The following PCDH15 variants were observed in gnomAD, a reference collection of about 807,000 sequenced individuals.
The protein encoded by PCDH15 is protocadherin related 15, also known as protocadherin-15.
Under a neutral mutation model 178.5 loss-of-function variants are expected in PCDH15, and 129 were observed. The ratio of observed to expected loss-of-function variants is 0.72; its 90% confidence interval spans 0.63 to 0.84. The LOEUF (loss-of-function observed/expected upper bound fraction) is 0.84, where lower values mean the gene tolerates loss of function less well. PCDH15 is among the 40% of genes least tolerant of loss of function. PCDH15 has a pLI of 0.00. For synonymous variants in PCDH15, 800 were observed against 732.0 expected, an observed-to-expected ratio of 1.09 and a Z score of -1.50; for missense variants, 2,230 against 2,099.9, an observed-to-expected ratio of 1.06 and a Z score of -1.21.
chr10:54,121,798 G>GA (rs1419613827), intron 15 of PCDH15, among the ~76,000 whole-genome samples: 1 of 152,008 alleles, frequency 6.6e-6, no homozygotes, highest in Non-Finnish European at 1.5e-5. Flanking sequence ...TTCAAAAAGT[G>GA]AATCAGTAAT....
At chr10:54,118,732 C>T (rs1025216030) in intron 15 of PCDH15, among the ~76,000 whole-genome samples, 1 of 151,076 alleles carries the variant, frequency 6.6e-6, no homozygotes, top group Non-Finnish European at 1.5e-5. Flanking sequence ...AAACTAAAAA[C>T]TAAAACTATA....
At chr10:54,586,185 G>A (rs1216236989) in intron 2 of PCDH15, among the ~76,000 whole-genome samples, 8 of 152,060 alleles carry the variant, frequency 5.3e-5, no homozygotes, top group African/African-American at 1.9e-4. Flanking sequence ...GGAAAGTGGA[G>A]TAAATTTTTA....
intron 2 of PCDH15, among the ~76,000 whole-genome samples, chr10:54,639,310 A>G (rs2093937787): frequency 6.6e-6 from 1 of 152,148 alleles, no homozygotes; most frequent in African/African-American, 2.4e-5. Flanking sequence ...ACCTCAGAAG[A>G]ATCTATGAGG....
chr10:54,216,594 A>C (rs1477152295), intron 9 of PCDH15, among the ~76,000 whole-genome samples: 2 of 152,204 alleles, frequency 1.3e-5, no homozygotes, highest in African/African-American at 4.8e-5. Flanking sequence ...TTATTCCTAC[A>C]TTAAGATTTC....
At chr10:54,292,208 C>T (rs187639469) in intron 8 of PCDH15, among the ~76,000 whole-genome samples, 20 of 152,214 alleles carry the variant, frequency 1.3e-4, no homozygotes, top group Non-Finnish European at 2.2e-4. Context: ...TAAACAGAAC[C>T]AATGACAAAA....
chr10:54,232,213 CA>C (rs1298805012), intron 9 of PCDH15, among the ~76,000 whole-genome samples: 8 of 152,190 alleles, frequency 5.3e-5, no homozygotes, highest in African/African-American at 1.9e-4. Flanking sequence ...ACAGTGGTGT[CA>C]GTGAGTGAGT....
At chr10:55,245,314 T>C (rs1841655258) in intron 1 of PCDH15, among the ~76,000 whole-genome samples, 1 of 152,074 alleles carries the variant, frequency 6.6e-6, no homozygotes, top group Admixed American at 6.6e-5. Flanking sequence ...ACGTTGTAAA[T>C]GTGAAAGTGG....
At chr10:55,161,602 A>G (rs1387131038) in intron 2 of PCDH15, among the ~76,000 whole-genome samples, 1 of 152,184 alleles carries the variant, frequency 6.6e-6, no homozygotes. Flanking sequence ...AACTGTTATT[A>G]GGAAGGTTAT....
chr10:55,399,362 T>C (rs893488524), intron 2 of PCDH15, among the ~76,000 whole-genome samples: 2 of 152,156 alleles, frequency 1.3e-5, no homozygotes, highest in East Asian at 1.9e-4. Flanking sequence ...ATTTATGCTA[T>C]GAGAACTATA....
rs536311132 is a variant in PCDH15 at position 55,418,266 on chromosome 10, A to C, written c.-156+209359T>G. 8.2e-4 allele frequency among the ~76,000 whole-genome samples: 124 copies of C among 151,894 alleles called. 1 individual carries two copies. Among genetic ancestry groups the C allele is most frequent in the African/African-American group, 2.9e-3 (120 of 41,530 alleles). ...GTTTTTATTTTTAGTGCAGAATGTA[A>C]CTGTTAACAACATTAGAAATATGAA... On this transcript the variant is annotated intron_variant, in intron 2 of 5. Coordinates refer to the PCDH15 transcript ENST00000613346.
At chr10:54,305,112 T>TA (rs1266871277) in intron 8 of PCDH15, among the ~76,000 whole-genome samples, 1 of 152,116 alleles carries the variant, frequency 6.6e-6, no homozygotes, top group Non-Finnish European at 1.5e-5. Context: ...GTTATGTACA[T>TA]AATTTCTTTT....
At chr10:54,708,801 T>TGC (rs58888332) in intron 1 of PCDH15, among the ~76,000 whole-genome samples, 4 of 125,568 alleles carry the variant, frequency 3.2e-5, no homozygotes, top group African/African-American at 1.1e-4. Context: ...TGTGTGTGTG[T>TGC]GCGCGCGCGT....
chr10:54,817,349 G>A (rs1265959894), intron 3 of PCDH15, among the ~76,000 whole-genome samples: 1 of 151,826 alleles, frequency 6.6e-6, no homozygotes, highest in Non-Finnish European at 1.5e-5. Flanking sequence ...AGGAAATTAA[G>A]GTTGAATTAT....
intron 2 of PCDH15, among the ~76,000 whole-genome samples, chr10:55,579,199 T>C (rs1842557303): frequency 6.6e-6 from 1 of 152,204 alleles, no homozygotes; most frequent in Admixed American, 6.6e-5. Flanking sequence ...CACAGAAATA[T>C]CTGATTGTAT....
intron 3 of PCDH15, among the ~76,000 whole-genome samples, chr10:54,848,947 C>T (rs770184701): frequency 1.1e-4 from 16 of 152,018 alleles, no homozygotes; most frequent in Non-Finnish European, 1.8e-4. Flanking sequence ...GGAGAAAATG[C>T]TATATAAAAT....
chr10:54,759,710 C>T (rs1198826590), intron 1 of PCDH15, among the ~76,000 whole-genome samples: 2 of 152,212 alleles, frequency 1.3e-5, no homozygotes, highest in East Asian at 3.8e-4. Context: ...ATAATGCACA[C>T]TATCAGGACA....
chr10:55,339,290 T>TAACAACAAC (rs34058084), intron 2 of PCDH15, among the ~76,000 whole-genome samples: 2,028 of 150,648 alleles, frequency 0.013, 37 homozygotes, highest in African/African-American at 0.045. Context: ...CCATAACAAT[T>TAACAACAAC]AACAACAACA....
intron 2 of PCDH15, among the ~76,000 whole-genome samples, chr10:55,384,661 T>C (rs1837610072): frequency 6.6e-6 from 1 of 152,040 alleles, no homozygotes; most frequent in African/African-American, 2.4e-5. Context: ...TAAAATACTA[T>C]TGCAACATTT....
chr10:55,496,464 A>G (rs919609209), intron 2 of PCDH15, among the ~76,000 whole-genome samples: 2 of 151,878 alleles, frequency 1.3e-5, no homozygotes. Flanking sequence ...TATATTGAAA[A>G]TAAAATATTT....
Sources: gnomAD v4.1 joint callset for allele counts (sites outside exome capture counted in the v4.1 genomes callset) on GRCh38, gnomAD v4.1.1 for gene constraint, MANE v1.5 for transcripts, NCBI Gene and HGNC (gene_info 2026-07-23, HGNC 2026-07-21) for gene names.